NFKBIE: variants seen among roughly 807,000 people sequenced by gnomAD.
NFKBIE encodes the protein NF-kappa-B inhibitor epsilon.
In NFKBIE, 11 loss-of-function variants were observed where a neutral mutation model predicts 31.6. The ratio of observed to expected loss-of-function variants is 0.35; its 90% CI spans 0.22 to 0.58. The LOEUF (loss-of-function observed/expected upper bound fraction) is 0.58, where lower values mean the gene tolerates loss of function less well. Ranked by LOEUF, NFKBIE falls within the 20% of genes least tolerant of loss-of-function variation. The pLI is 0.83. For synonymous variants in NFKBIE, 208 were observed against 210.1 expected, an observed-to-expected ratio of 0.99 and a Z score of 0.09; for missense variants, 354 against 465.7, an observed-to-expected ratio of 0.76 and a Z score of 2.21.
chr6:44,265,451 C>A lies in NFKBIE; in HGVS notation c.-105G>T, dbSNP rs749015957. The A allele has an allele frequency of 6.0e-6, 9 of 1,506,494 alleles. No homozygotes were observed. In the Admixed American group the frequency reaches 1.6e-4, roughly 26 times the overall value. 93.3% of individuals were successfully genotyped at this position (1,506,494 alleles called of 1,614,324 possible). ...GGGTCCGCTTGGCAGAGCGGGCGCC[C>A]GGCCCGCGGCGGCCTCCTTCCCGGG... is the stretch of plus-strand genomic sequence containing the variant. On this transcript the variant is annotated 5_prime_UTR_variant, in exon 1 of 6. Coordinates refer to ENST00000619360, the MANE Select transcript of NFKBIE (RefSeq NM_004556.3).
In NFKBIE at chr6:44,263,653, C is replaced by A. The variant is rs948919582; in HGVS notation, c.366-991G>T. Among the ~76,000 whole-genome samples, 2 of 152,138 alleles carry A rather than the reference C, an allele frequency of 1.3e-5. No individual in the cohort carries two copies. The highest frequency in any genetic ancestry group is 4.8e-5 in the African/African-American group (2 of 41,496). The stretch of plus-strand genomic sequence containing the variant: ...ATTCTTGCAGCCACCTCCCTCTCTC[C>A]CCCAGTATCCCCTCCTCCCACTTCC... On this transcript the variant is annotated intron_variant, in intron 1 of 5. Transcript: ENST00000619360. The surrounding 1 kb of genome is among the most constrained non-coding windows in gnomAD (Gnocchi z 5.0).
In NFKBIE at chr6:44,260,650, G is replaced by T; in HGVS notation, c.692-111C>A. 1.0e-6 allele frequency: 1 copy of T among 975,568 alleles called. No homozygotes were observed. The highest frequency in any genetic ancestry group is 1.6e-6 in the Non-Finnish European group (1 of 613,964). The allele number at this position is 975,568 out of a possible 1,614,324, so 60.4% of individuals were successfully genotyped here. A position where few individuals can be genotyped will look rare whatever the true frequency, so the allele number is the denominator to read the frequency against. ...CCAAGGGACTCACAGCCCACTCAAT[G>T]TCTCTAATCACAAGACTGTTAAAAT... On this transcript the variant is annotated intron_variant, in intron 3 of 5. Coordinates refer to ENST00000619360, the MANE Select transcript of NFKBIE (RefSeq NM_004556.3). The surrounding 1 kb of genome is among the most constrained non-coding windows in gnomAD (Gnocchi z 5.5).
chr6:44,261,941 C>T lies in NFKBIE; in HGVS notation c.469-93G>A, dbSNP rs1246416740. Reference sequence around the variant, plus strand: ...CTCAAGAATCACCAGCTGCCAGCATCTTCTTTGAAAGCAGCTTATAAAGGC... The same window carrying T: ...CTCAAGAATCACCAGCTGCCAGCATTTTCTTTGAAAGCAGCTTATAAAGGC... On this transcript the variant is annotated intron_variant, in intron 2 of 5. Transcript: ENST00000619360. This position sits in a 1 kb window ranked among gnomAD's most constrained non-coding sequence, Gnocchi z 4.3. 1 of 1,207,096 alleles carries T rather than the reference C, an allele frequency of 8.3e-7. No individual in the cohort carries two copies. Among genetic ancestry groups the T allele is most frequent in the East Asian group, 2.6e-5 (1 of 38,932 alleles). 74.8% of individuals were successfully genotyped at this position (1,207,096 alleles called of 1,614,324 possible). A position where few individuals can be genotyped will look rare whatever the true frequency, so the allele number is the denominator to read the frequency against.
At chr6:44,259,935 CT>C (rs2153331207) in intron 5 of NFKBIE, 107 bp downstream of exon 5, 1 of 1,472,670 alleles carries the variant, frequency 6.8e-7, no homozygotes, top group East Asian at 2.4e-5. Flanking sequence ...TGGCAGAGTC[CT>C]GGTTATACCC....
intron 5 of NFKBIE, 148 bp from the exon 6 acceptor site, chr6:44,259,432 C>G (rs1781810400): frequency 1.6e-6 from 1 of 639,300 alleles, no homozygotes; most frequent in Non-Finnish European, 2.9e-6. Context: ...CACGAATCCT[C>G]AAAATAGTGG....
At chr6:44,264,633 A>G (rs568481694) in intron 1 of NFKBIE, among the ~76,000 whole-genome samples, 3 of 152,330 alleles carry the variant, frequency 2.0e-5, no homozygotes, top group African/African-American at 7.2e-5. Flanking sequence ...GGAACTGGGA[A>G]TCCCAGATAT....
At chr6:44,262,017 C>T (rs1487379067) in intron 2 of NFKBIE, among the ~76,000 whole-genome samples, 169 bp from the exon 3 acceptor site, 2 of 152,120 alleles carry the variant, frequency 1.3e-5, no homozygotes, top group Admixed American at 6.5e-5. Context: ...CCTGTCACAC[C>T]CCTCCCCCAC....
At position 44,263,452 on chromosome 6, in the gene NFKBIE, G is replaced by T. The variant is rs1012094614; in HGVS notation, c.366-790C>A. Among the ~76,000 whole-genome samples the T allele has an allele frequency of 2.0e-5, 3 of 151,970 alleles. No individual in the cohort carries two copies. The highest frequency in any genetic ancestry group is 7.3e-5 in the African/African-American group (3 of 41,354). On this transcript the variant is annotated intron_variant, in intron 1 of 5. Transcript: ENST00000619360. This position sits in a 1 kb window ranked among gnomAD's most constrained non-coding sequence, Gnocchi z 5.0. ...TCTAGGCCGGGACAGCTGCCTTGGG[G>T]CATTAGTGAGGGGGGTAGATTGGCT...
At position 44,265,251 on chromosome 6, in the gene NFKBIE, G is replaced by A. The variant is rs1390369346; in HGVS notation, c.96C>T (p.Ser32=). Residue 32 remains serine (S), a synonymous_variant, in exon 1 of 6, where the codon TCC becomes TCT. Coordinates refer to ENST00000619360, the MANE Select transcript of NFKBIE (RefSeq NM_004556.3). Reference sequence around the variant, plus strand: ...AGGGCCCGGAGGCTGGAGCCGAGGTGGACTCGGGTAGGGAGCGCAGAGAGC... The same window carrying A: ...AGGGCCCGGAGGCTGGAGCCGAGGTAGACTCGGGTAGGGAGCGCAGAGAGC... ...SLRSLRSLPE[S]TSAPASGPSD... 4 of 1,552,686 alleles carry A rather than the reference G, an allele frequency of 2.6e-6. No homozygotes were observed. Among genetic ancestry groups the A allele is most frequent in the Non-Finnish European group, 3.5e-6 (4 of 1,147,888 alleles).
Position 44,262,734 on chromosome 6 carries a change from G to C in NFKBIE, c.366-72C>G. 2.5e-6 allele frequency: 3 copies of C among 1,196,546 alleles called. No homozygotes were observed. The South Asian group carries it at 3.7e-5, about 15-fold the overall frequency. The allele number at this position is 1,196,546 out of a possible 1,614,324, so 74.1% of individuals were successfully genotyped here. On this transcript the variant is annotated intron_variant, in intron 1 of 5. Transcript: ENST00000619360. ...GGAGTGGGTTGGGGTCTTGGAGTTAGAAGGAACACATCAAACTTTAACTAG... is the reference window on the plus strand; with the variant it reads ...GGAGTGGGTTGGGGTCTTGGAGTTACAAGGAACACATCAAACTTTAACTAG...
intron 2 of NFKBIE, 71 bp downstream of exon 2, chr6:44,262,489 T>G (rs1781957683): frequency 7.5e-7 from 1 of 1,335,112 alleles, no homozygotes; most frequent in African/African-American, 1.4e-5. Flanking sequence ...GCCTTTGGAC[T>G]GGTATGGCTG....
rs374478921 is a variant in NFKBIE at position 44,259,294 on chromosome 6, A to G, written c.1021-10T>C. On this transcript the variant is annotated splice_polypyrimidine_tract_variant and intron_variant, in intron 5 of 5. Transcript: ENST00000619360. ...GCAAAAGGACAAGGGACTGAGAAGGAGAATGGAGAGAAGCAAGATCAGAGG... is the reference window on the plus strand; with the variant it reads ...GCAAAAGGACAAGGGACTGAGAAGGGGAATGGAGAGAAGCAAGATCAGAGG... 1.7e-4 allele frequency: 277 copies of G among 1,602,990 alleles called. No homozygotes were observed. The highest frequency in any genetic ancestry group is 2.3e-4 in the Non-Finnish European group (266 of 1,170,328).
In NFKBIE at chr6:44,260,911, C is replaced by T. The variant is rs1171648713; in HGVS notation, c.692-372G>A. 6.6e-6 allele frequency among the ~76,000 whole-genome samples: 1 copy of T among 150,630 alleles called. No individual in the cohort carries two copies. Among genetic ancestry groups the T allele is most frequent in the Non-Finnish European group, 1.5e-5 (1 of 67,668 alleles). ...CACACAACCTGCCTTCAAGCCCAGT[C>T]TGAAAGCCACCTTTTCTGAAAAGCC... On this transcript the variant is annotated intron_variant, in intron 3 of 5. Transcript: ENST00000619360. The surrounding 1 kb of genome is among the most constrained non-coding windows in gnomAD (Gnocchi z 5.5).
chr6:44,260,316 C>T lies in NFKBIE; in HGVS notation c.781-34G>A, dbSNP rs771702519. On this transcript the variant is annotated intron_variant, in intron 4 of 5. Transcript: ENST00000619360. The surrounding 1 kb of genome is among the most constrained non-coding windows in gnomAD (Gnocchi z 5.5). The stretch of plus-strand genomic sequence containing the variant: ...GAATAAGGATGTCAGCCAAGGCCCT[C>T]AGAGGCAGTGTGCTGGGCCTGGGCT... 6.2e-7 allele frequency: 1 copy of T among 1,606,020 alleles called. No individual in the cohort carries two copies. The highest frequency in any genetic ancestry group is 1.1e-5 in the South Asian group (1 of 90,870).
In NFKBIE at chr6:44,263,365, G is replaced by A. The variant is rs894638623; in HGVS notation, c.366-703C>T. On this transcript the variant is annotated intron_variant, in intron 1 of 5. Coordinates refer to ENST00000619360, the MANE Select transcript of NFKBIE (RefSeq NM_004556.3). The surrounding 1 kb of genome is among the most constrained non-coding windows in gnomAD (Gnocchi z 5.0). ...GGGGTAATGGGGGCAGTTGGGAGGG[G>A]AAGTTCCAGTCTTGGGGTTTCCCCA... Among the ~76,000 whole-genome samples, 1 of 152,024 alleles carries A rather than the reference G, an allele frequency of 6.6e-6. No individual in the cohort carries two copies. Among genetic ancestry groups the A allele is most frequent in the Non-Finnish European group, 1.5e-5 (1 of 68,010 alleles).
In NFKBIE at chr6:44,260,246, C is replaced by T; in HGVS notation, c.817G>A (p.Val273Met). The change falls in exon 5 of 6, where the codon GTG becomes ATG. Residue 273 changes from valine to methionine, a missense_variant. Transcript: ENST00000619360. The surrounding 1 kb of genome is among the most constrained non-coding windows in gnomAD (Gnocchi z 5.5). ...TSGKTALHLA[V>M]ETQERGLVQF... is the part of the protein sequence containing the mutation. Reference sequence around the variant, plus strand: ...ACCAGGCCCCGCTCTTGGGTTTCCACAGCCAGGTGCAGCGCTGTCTTACCA... The same window carrying T: ...ACCAGGCCCCGCTCTTGGGTTTCCATAGCCAGGTGCAGCGCTGTCTTACCA... 6.2e-7 allele frequency: 1 copy of T among 1,613,302 alleles called. No homozygotes were observed. The highest frequency in any genetic ancestry group is 8.5e-7 in the Non-Finnish European group (1 of 1,179,316).
Position 44,260,899 on chromosome 6 carries a change from T to C in NFKBIE, c.692-360A>G, listed in dbSNP as rs1781894793. 1.6e-5 allele frequency among the ~76,000 whole-genome samples: 2 copies of C among 122,382 alleles called. No homozygotes were observed. Among genetic ancestry groups the C allele is most frequent in the Non-Finnish European group, 3.7e-5 (2 of 54,194 alleles). 80.3% of individuals were successfully genotyped at this position (122,382 alleles called of 152,430 possible). Reference sequence around the variant, plus strand: ...CACACACACACACACACAACCTGCCTTCAAGCCCAGTCTGAAAGCCACCTT... The same window carrying C: ...CACACACACACACACACAACCTGCCCTCAAGCCCAGTCTGAAAGCCACCTT... On this transcript the variant is annotated intron_variant, in intron 3 of 5. Transcript: ENST00000619360. The surrounding 1 kb of genome is among the most constrained non-coding windows in gnomAD (Gnocchi z 5.5).
At position 44,262,396 on chromosome 6, in the gene NFKBIE, C is replaced by T. The variant is rs967593522; in HGVS notation, c.468+164G>A. On this transcript the variant is annotated intron_variant, in intron 2 of 5. Coordinates refer to ENST00000619360, the MANE Select transcript of NFKBIE (RefSeq NM_004556.3). ...GTCCCCCAGCCCAGGATGCAAGCAC[C>T]TCAGGACAGAGGCCATGTCTTACTT... Among the ~76,000 whole-genome samples the T allele has an allele frequency of 7.2e-5, 11 of 152,336 alleles. No homozygotes were observed. The East Asian group carries it at 2.1e-3, about 29-fold the overall frequency.
Position 44,259,017 on chromosome 6 carries a change from A to T in NFKBIE, c.*202T>A, listed in dbSNP as rs28362191. The T allele has an allele frequency of 1.2e-3, 579 of 463,992 alleles. 2 individuals carry two copies. The highest frequency in any genetic ancestry group is 8.8e-3 in the African/African-American group (454 of 51,316). 28.7% of individuals were successfully genotyped at this position (463,992 alleles called of 1,614,324 possible). A position where few individuals can be genotyped will look rare whatever the true frequency, so the allele number is the denominator to read the frequency against. ...TCCAAGAAGCCCTGTCCACCTGGAA[A>T]GCTCTTCCTTCCAGACTGGCTCTCT... is the stretch of plus-strand genomic sequence containing the variant. On this transcript the variant is annotated 3_prime_UTR_variant, in exon 6 of 6. Coordinates refer to ENST00000619360, the MANE Select transcript of NFKBIE (RefSeq NM_004556.3).
Sources: allele counts gnomAD v4.1 joint callset (sites outside exome capture counted in the v4.1 genomes callset), GRCh38; gene constraint gnomAD v4.1.1; non-coding constraint Gnocchi (gnomAD v3.1); transcripts MANE v1.5; gene names NCBI Gene and HGNC (gene_info 2026-07-23, HGNC 2026-07-21).